HIBCH: variants seen among roughly 807,000 people sequenced by gnomAD.
HIBCH encodes 3-hydroxyisobutyryl-CoA hydrolase, also known as 3-hydroxyisobutyryl-CoA hydrolase, mitochondrial.
A neutral mutation model predicts 58.2 loss-of-function variants in HIBCH; 50 were observed. The observed-to-expected ratio is 0.86, with a 90% CI of 0.68 to 1.09. HIBCH has a LOEUF of 1.09. Ranked by LOEUF, HIBCH falls within the 50% of genes least tolerant of loss-of-function variation. HIBCH has a pLI of 0.00. For synonymous variants in HIBCH, 151 were observed against 146.9 expected, an observed-to-expected ratio of 1.03 and a Z score of -0.20; for missense variants, 450 against 449.7, an observed-to-expected ratio of 1.00 and a Z score of -0.01.
Position 190,319,747 on chromosome 2 carries a change from C to A in HIBCH, c.4G>T (p.Gly2Trp). ...ATGAGCCTCCACATCTCGCGCTGCC[C>A]CATCGCCAAACACTCCGAAGCTAAA... Reference protein sequence around the residue: MGQREMWRLMSR... With the variant: MWQREMWRLMSR... Residue 2 changes from glycine to tryptophan, a missense_variant, in exon 1 of 14, where the codon GGG becomes TGG. By Grantham distance (184) the Gly-to-Trp change is radical. Transcript: ENST00000359678. The A allele has an allele frequency of 6.2e-7, 1 of 1,612,690 alleles. No homozygotes were observed. Among genetic ancestry groups the A allele is most frequent in the Non-Finnish European group, 8.5e-7 (1 of 1,179,462 alleles).
intron 13 of HIBCH, 122 bp from the exon 14 acceptor site, chr2:190,205,354 A>G: frequency 1.5e-6 from 1 of 646,064 alleles, no homozygotes. Context: ...TTTTTCCTGC[A>G]AAATTTTTAT....
intron 11 of HIBCH, among the ~76,000 whole-genome samples, chr2:190,218,224 C>T (rs1685616064): frequency 6.6e-6 from 1 of 151,974 alleles, no homozygotes; most frequent in African/African-American, 2.4e-5. Context: ...TCAAAAAAAT[C>T]TCTGTGCTAG....
intron 11 of HIBCH, among the ~76,000 whole-genome samples, chr2:190,244,313 T>C (rs1157162250): frequency 6.6e-6 from 1 of 152,226 alleles, no homozygotes; most frequent in Non-Finnish European, 1.5e-5. Flanking sequence ...ACCTGGTATG[T>C]ACACATTTAT....
intron 11 of HIBCH, among the ~76,000 whole-genome samples, chr2:190,234,008 T>C (rs1482402755): frequency 2.0e-5 from 3 of 151,950 alleles, no homozygotes; most frequent in Non-Finnish European, 4.4e-5. Flanking sequence ...AAATGCAAAA[T>C]TAGCCAGGAG....
chr2:190,319,176 CA>C (rs1284895307), intron 1 of HIBCH, among the ~76,000 whole-genome samples: 3 of 152,164 alleles, frequency 2.0e-5, no homozygotes, highest in African/African-American at 7.2e-5. Flanking sequence ...GGGGTACTTT[CA>C]AAAAGTTAAA....
chr2:190,262,982 C>G (rs1175475362), intron 6 of HIBCH, among the ~76,000 whole-genome samples: 1 of 152,168 alleles, frequency 6.6e-6, no homozygotes, highest in African/African-American at 2.4e-5. Context: ...ACTAGGAATA[C>G]GCTGAACCAT....
At chr2:190,240,415 T>TA (rs1473823026) in intron 11 of HIBCH, among the ~76,000 whole-genome samples, 1 of 151,886 alleles carries the variant, frequency 6.6e-6, no homozygotes, top group East Asian at 1.9e-4. Flanking sequence ...GCTAGTGGTC[T>TA]ATTTTGTTAA....
rs1687639370 is a variant in HIBCH, at chr2:190,279,201, A to C, written c.438+8385T>G. On this transcript the variant is annotated intron_variant, in intron 6 of 13. Transcript: ENST00000359678. The surrounding 1 kb of genome is among the most constrained non-coding windows in gnomAD (Gnocchi z 4.2). ...TAAACCATTCTTCCTGTGATAACCTATTAATCCATGAATGGATCAAACTAC... is the reference window on the plus strand; with the variant it reads ...TAAACCATTCTTCCTGTGATAACCTCTTAATCCATGAATGGATCAAACTAC... Among the ~76,000 whole-genome samples the C allele has an allele frequency of 6.6e-6, 1 of 152,314 alleles. No individual in the cohort carries two copies. The highest frequency in any genetic ancestry group is 2.1e-4 in the South Asian group (1 of 4,826).
At chr2:190,277,868 G>A (rs927935668) in intron 6 of HIBCH, among the ~76,000 whole-genome samples, 1 of 152,138 alleles carries the variant, frequency 6.6e-6, no homozygotes, top group Non-Finnish European at 1.5e-5. Flanking sequence ...CTGCAAGGTG[G>A]AGCTCTCTCA....
At chr2:190,272,149 C>G (rs1687416884) in intron 6 of HIBCH, among the ~76,000 whole-genome samples, 1 of 152,162 alleles carries the variant, frequency 6.6e-6, no homozygotes, top group Non-Finnish European at 1.5e-5. Context: ...ACAGTTAAGG[C>G]TGGTATTGTT....
intron 7 of HIBCH, among the ~76,000 whole-genome samples, chr2:190,255,089 T>C (rs1686885853): frequency 6.6e-6 from 1 of 152,182 alleles, no homozygotes; most frequent in African/African-American, 2.4e-5. Context: ...CTACAATCCA[T>C]TATCCTCAAA....
In HIBCH at chr2:190,215,128, C is replaced by T. The variant is rs193224245; in HGVS notation, c.892-2053G>A. 4.0e-5 allele frequency: 6 copies of T among 151,382 alleles called. No individual in the cohort carries two copies. The highest frequency in any genetic ancestry group is 7.4e-5 in the Non-Finnish European group (5 of 67,936). 9.4% of individuals were successfully genotyped at this position (151,382 alleles called of 1,614,324 possible). A position where few individuals can be genotyped will look rare whatever the true frequency, so the allele number is the denominator to read the frequency against. ...CAAACCTCAGCTTAGCAGAGATCCC[C>T]TCGGTTTAGCAGCTAGATCAATTTT... On this transcript the variant is annotated intron_variant, in intron 11 of 13. Transcript: ENST00000359678. The surrounding 1 kb of genome is among the most constrained non-coding windows in gnomAD (Gnocchi z 4.4).
At chr2:190,199,722 G>A, downstream of HIBCH, 1 of 1,480,694 alleles carries the variant, frequency 6.8e-7, no homozygotes, top group Non-Finnish European at 8.9e-7. Flanking sequence ...GAAGAGTGGT[G>A]AAAGGGAACA....
intron 6 of HIBCH, among the ~76,000 whole-genome samples, chr2:190,276,650 C>T (rs2105970585): frequency 6.6e-6 from 1 of 152,320 alleles, no homozygotes; most frequent in Middle Eastern, 3.4e-3. Context: ...CTCTCCTTCC[C>T]CTTCTGCTAT....
intron 11 of HIBCH, among the ~76,000 whole-genome samples, chr2:190,241,894 C>T (rs1012359501): frequency 1.3e-5 from 2 of 152,170 alleles, no homozygotes; most frequent in Non-Finnish European, 2.9e-5. Context: ...CTGCCCTTAA[C>T]ATTTTTTCCT....
rs368895035 is a variant in HIBCH at position 190,310,379 on chromosome 2, TG to T, written c.78+374del. Among the ~76,000 whole-genome samples, 12 of 152,364 alleles carry T rather than the reference TG, an allele frequency of 7.9e-5. No homozygotes were observed. The East Asian group carries it at 1.7e-3, about 22-fold the overall frequency. Reference sequence around the variant, plus strand: ...ATATATACATATGTCCTATAAGTTCTGTCCTTCTAGAGAACACTGATTAATA... The same window carrying T: ...ATATATACATATGTCCTATAAGTTCTTCCTTCTAGAGAACACTGATTAATA... On this transcript the variant is annotated intron_variant, in intron 2 of 13. Transcript: ENST00000359678.
intron 6 of HIBCH, among the ~76,000 whole-genome samples, chr2:190,283,407 G>A (rs1345446375): frequency 6.6e-6 from 1 of 152,120 alleles, no homozygotes; most frequent in Non-Finnish European, 1.5e-5. Context: ...ACAGCAGCAC[G>A]GGCCATGTGC....
At chr2:190,198,340 C>G (rs904898036) in intron 1 of HIBCH, among the ~76,000 whole-genome samples, 3 of 152,084 alleles carry the variant, frequency 2.0e-5, no homozygotes, top group African/African-American at 7.2e-5. Flanking sequence ...AAGCTTTTGC[C>G]TTAAGATCAG....
intron 6 of HIBCH, among the ~76,000 whole-genome samples, chr2:190,261,509 T>C (rs959367252): frequency 6.6e-6 from 1 of 152,172 alleles, no homozygotes; most frequent in Non-Finnish European, 1.5e-5. Flanking sequence ...CAGAGACACA[T>C]AGCTATTATC....
Sources: allele counts gnomAD v4.1 joint callset (sites outside exome capture counted in the v4.1 genomes callset), GRCh38; gene constraint gnomAD v4.1.1; non-coding constraint Gnocchi (gnomAD v3.1); transcripts MANE v1.5; gene names NCBI Gene and HGNC (gene_info 2026-07-23, HGNC 2026-07-21).